Variants in ZNF333 observed in about 807,000 individuals in gnomAD.
ZNF333 encodes the protein zinc finger protein 333.
In ZNF333, 61 loss-of-function variants were observed where a neutral mutation model predicts 76.1. The observed-to-expected ratio is 0.80, with a 90% CI of 0.65 to 0.99. The LOEUF (loss-of-function observed/expected upper bound fraction) is 0.99, where lower values mean the gene tolerates loss of function less well. Among genes scored for constraint, ZNF333 ranks in the 50% least tolerant of loss-of-function variants. The pLI, the probability that ZNF333 is intolerant of heterozygous loss-of-function variation, is 0.00. For synonymous variants in ZNF333, 284 were observed against 305.0 expected (o/e 0.93, Z 0.72); for missense variants, 717 against 822.4 (o/e 0.87, Z 1.57).
In ZNF333 at chr19:14,720,441, GGT is replaced by G. The variant is rs1436439000; in HGVS notation, c.*1118_*1119del. ...GGTAAAAGCCGCAAGCTAAGAAGAG[GGT>G]GGCCGGAAGTCATAACCATCTTGCT... On this transcript the variant is annotated 3_prime_UTR_variant, in exon 12 of 12. Coordinates refer to ENST00000292530, the MANE Select transcript of ZNF333 (RefSeq NM_032433.4). 1 of 985,230 alleles carries G rather than the reference GGT, an allele frequency of 1.0e-6. No individual in the cohort carries two copies. Among genetic ancestry groups the G allele is most frequent in the East Asian group, 1.1e-4 (1 of 8,830 alleles). 61.0% of individuals were successfully genotyped at this position (985,230 alleles called of 1,614,324 possible).
At chr19:14,692,562 G>C (rs1972851163) in intron 1 of ZNF333, among the ~76,000 whole-genome samples, 1 of 152,052 alleles carries the variant, frequency 6.6e-6, no homozygotes, top group Non-Finnish European at 1.5e-5. Flanking sequence ...CACCCAGGCT[G>C]GAGTGCAGTG....
In ZNF333 at chr19:14,716,199, G is replaced by T. The variant is rs151325132; in HGVS notation, c.688G>T (p.Asp230Tyr). 2 of 1,614,030 alleles carry T rather than the reference G, an allele frequency of 1.2e-6. No homozygotes were observed. The highest frequency in any genetic ancestry group is 3.3e-5 in the Admixed American group (2 of 60,006). The change falls in exon 9 of 12, where the codon GAT (aspartate) becomes TAT (tyrosine). Residue 230 changes from aspartate (D) to tyrosine (Y), a missense_variant. Coordinates refer to ENST00000292530, the MANE Select transcript of ZNF333 (RefSeq NM_032433.4). Reference sequence around the variant, plus strand: ...CTCTACTCAGAGGAGCCTGTATAGAGATGTGATGCTGGAGAACTACAGGAA... The same window carrying T: ...CTCTACTCAGAGGAGCCTGTATAGATATGTGATGCTGGAGAACTACAGGAA... ...LDSTQRSLYR[D>Y]VMLENYRNLA...
intron 5 of ZNF333, chr19:14,701,715 C>T (rs575273167): frequency 2.0e-6 from 2 of 985,358 alleles, no homozygotes. Context: ...CACACCCAGC[C>T]CAGCAAGCCC....
rs1029696751 is a variant in ZNF333, at chr19:14,705,059, G to A, written c.312G>A (p.Pro104=). The A allele has an allele frequency of 7.4e-6, 12 of 1,613,708 alleles. No individual in the cohort carries two copies. The highest frequency in any genetic ancestry group is 9.3e-6 in the Non-Finnish European group (11 of 1,179,760). Residue 104 remains proline (P), a synonymous_variant, in exon 6 of 12, where the codon CCG becomes CCA. Transcript: ENST00000292530. Reference sequence around the variant, plus strand: ...ACCCTCTTGTCTTTTGCCAGGGGCCGGGGCTGTTCCTGAGGATGCAGCTGG... The same window carrying A: ...ACCCTCTTGTCTTTTGCCAGGGGCCAGGGCTGTTCCTGAGGATGCAGCTGG... The part of the protein sequence containing the change: ...EASSRDMQMG[P]GLFLRMQLVP...
At position 14,720,379 on chromosome 19, in the gene ZNF333, A is replaced by C; in HGVS notation, c.*1054A>C. Reference sequence around the variant, plus strand: ...CTTGCCTTTTGGACAAGTAGACATGATTTCTAGACCTAGAGGAGCCCTCCT... The same window carrying C: ...CTTGCCTTTTGGACAAGTAGACATGCTTTCTAGACCTAGAGGAGCCCTCCT... On this transcript the variant is annotated 3_prime_UTR_variant, in exon 12 of 12. Transcript: ENST00000292530. The C allele has an allele frequency of 1.0e-6, 1 of 985,414 alleles. No individual in the cohort carries two copies. Among genetic ancestry groups the C allele is most frequent in the Non-Finnish European group, 1.2e-6 (1 of 829,932 alleles). 61.0% of individuals were successfully genotyped at this position (985,414 alleles called of 1,614,324 possible). A position where few individuals can be genotyped will look rare whatever the true frequency, so the allele number is the denominator to read the frequency against.
At chr19:14,697,415 G>A (rs1973297221) in intron 4 of ZNF333, among the ~76,000 whole-genome samples, 1 of 139,254 alleles carries the variant, frequency 7.2e-6, no homozygotes, top group South Asian at 2.2e-4. Context: ...AGGCTGGAGT[G>A]CAGTGGTGCA....
intron 5 of ZNF333, chr19:14,700,156 C>A: frequency 6.5e-6 from 1 of 152,714 alleles, no homozygotes; most frequent in Non-Finnish European, 1.5e-5. Flanking sequence ...AGGCCTGAGT[C>A]ACCATGCCCA....
intron 2 of ZNF333, 22 bp downstream of exon 2, chr19:14,693,516 G>A: frequency 3.8e-6 from 6 of 1,599,266 alleles, no homozygotes; most frequent in Non-Finnish European, 5.1e-6. Flanking sequence ...GGGGGCTCCT[G>A]TGGCTGAAGG....
At chr19:14,717,177 C>G (rs1261649562) in intron 10 of ZNF333, 88 bp downstream of exon 10, 16 of 1,079,436 alleles carry the variant, frequency 1.5e-5, no homozygotes, top group Non-Finnish European at 1.3e-6. Flanking sequence ...GCAACCTATT[C>G]ATACCTTTGA....
intron 6 of ZNF333, among the ~76,000 whole-genome samples, chr19:14,705,724 C>T (rs1023450378): frequency 3.3e-5 from 5 of 152,192 alleles, no homozygotes; most frequent in Admixed American, 2.0e-4. Flanking sequence ...GCCTGAGCTC[C>T]GCCTCCTGTC....
In ZNF333 at chr19:14,718,854, C is replaced by T; in HGVS notation, c.1527C>T (p.Asn509=). 6.2e-7 allele frequency: 1 copy of T among 1,614,086 alleles called. No individual in the cohort carries two copies. Among genetic ancestry groups the T allele is most frequent in the Non-Finnish European group, 8.5e-7 (1 of 1,180,014 alleles). The stretch of plus-strand genomic sequence containing the variant: ...CCAGAGAGAAACCATATGAATGCAA[C>T]CAGTGTGGCAAGCCCTTCCGGACGA... ...THTREKPYEC[N]QCGKPFRTST... is the part of the protein sequence containing the mutation. Residue 509 remains asparagine (N), a synonymous_variant, in exon 12 of 12, where the codon AAC becomes AAT. Transcript: ENST00000292530.
downstream of ZNF333, among the ~76,000 whole-genome samples, chr19:14,722,358 A>G (rs1430219087): frequency 6.6e-6 from 1 of 152,230 alleles, no homozygotes; most frequent in Admixed American, 6.5e-5. Flanking sequence ...ACAGAAGCAG[A>G]GGCTGGAAGA....
chr19:14,722,699 C>T (rs2042604091), downstream of ZNF333, among the ~76,000 whole-genome samples: 2 of 152,184 alleles, frequency 1.3e-5, no homozygotes, highest in South Asian at 4.1e-4. Context: ...AGGCTTACCC[C>T]CTATGTTTTC....
rs374130044 is a variant in ZNF333, at chr19:14,716,072, G to A, written c.601-40G>A. On this transcript the variant is annotated intron_variant, in intron 8 of 11. Transcript: ENST00000292530. Reference sequence around the variant, plus strand: ...CCAGCATCCTCTGGCGTACTGGTGGGGGTGGTCCCTGGCTGAGCCGGGATG... The same window carrying A: ...CCAGCATCCTCTGGCGTACTGGTGGAGGTGGTCCCTGGCTGAGCCGGGATG... The A allele has an allele frequency of 9.9e-6, 16 of 1,612,570 alleles. No individual in the cohort carries two copies. In the African/African-American group the frequency reaches 2.0e-4, roughly 20 times the overall value.
intron 7 of ZNF333, among the ~76,000 whole-genome samples, chr19:14,712,619 G>A (rs1028464575): frequency 6.6e-6 from 1 of 152,100 alleles, no homozygotes; most frequent in African/African-American, 2.4e-5. Context: ...ATGGCTCGGG[G>A]GGGAGGATCC....
intron 2 of ZNF333, among the ~76,000 whole-genome samples, chr19:14,693,958 C>T (rs1043239579): frequency 7.5e-6 from 1 of 133,286 alleles, no homozygotes; most frequent in Non-Finnish European, 1.5e-5. Flanking sequence ...CCAGCCTAAG[C>T]TACAGAGTAA....
Position 14,716,149 on chromosome 19 carries a change from C to T in ZNF333, c.638C>T (p.Thr213Ile), listed in dbSNP as rs753523481. Residue 213 changes from threonine (T) to isoleucine (I), a missense_variant, in exon 9 of 12, where the codon ACC (threonine) becomes ATC (isoleucine). By Grantham distance (89) the Thr-to-Ile change is moderately conservative. Transcript: ENST00000292530. ...TTTGCAGATGTGGCTGTGGTGTTCA[C>T]CCCAGAAGAATGGGTGTTTCTGGAC... is the stretch of plus-strand genomic sequence containing the variant. Reference protein sequence around the residue: ...VTFADVAVVFTPEEWVFLDST... With the variant: ...VTFADVAVVFIPEEWVFLDST... 1.2e-6 allele frequency: 2 copies of T among 1,614,198 alleles called. No individual in the cohort carries two copies. Among genetic ancestry groups the T allele is most frequent in the East Asian group, 4.5e-5 (2 of 44,890 alleles).
At position 14,718,852 on chromosome 19, in the gene ZNF333, A is replaced by G; in HGVS notation, c.1525A>G (p.Asn509Asp). 6.2e-7 allele frequency: 1 copy of G among 1,614,164 alleles called. No individual in the cohort carries two copies. The highest frequency in any genetic ancestry group is 1.3e-5 in the African/African-American group (1 of 75,032). The change falls in exon 12 of 12, where the codon AAC becomes GAC. Residue 509 changes from asparagine (N) to aspartate (D), a missense_variant. Asn to Asp is a conservative substitution (Grantham distance 23). Transcript: ENST00000292530. ...THTREKPYEC[N>D]QCGKPFRTST... ...TACCAGAGAGAAACCATATGAATGC[A>G]ACCAGTGTGGCAAGCCCTTCCGGAC... is the stretch of plus-strand genomic sequence containing the variant.
chr19:14,695,092 A>C lies in ZNF333; in HGVS notation c.86A>C (p.Lys29Thr). The change falls in exon 3 of 12, where the codon AAA becomes ACA. Residue 29 changes from lysine (K) to threonine (T), a missense_variant. By Grantham distance (78) the Lys-to-Thr change is moderately conservative. Transcript: ENST00000292530. Reference sequence around the variant, plus strand: ...GACAGCGCACGGAGGAGCCTGTGCAAATACAGGATGCTTGACCAGTGCAGG... The same window carrying C: ...GACAGCGCACGGAGGAGCCTGTGCACATACAGGATGCTTGACCAGTGCAGG... ...LLDSARRSLC[K>T]YRMLDQCRTL... The C allele has an allele frequency of 3.1e-6, 5 of 1,614,084 alleles. No homozygotes were observed. The highest frequency in any genetic ancestry group is 2.5e-6 in the Non-Finnish European group (3 of 1,179,972).
Sources: gnomAD v4.1 joint callset for allele counts (sites outside exome capture counted in the v4.1 genomes callset) on GRCh38, gnomAD v4.1.1 for gene constraint, MANE v1.5 for transcripts, NCBI Gene and HGNC (gene_info 2026-07-23, HGNC 2026-07-21) for gene names.